The following DLG2 variants were observed in gnomAD, a reference collection of about 807,000 sequenced individuals.
The protein encoded by DLG2 is disks large homolog 2.
A neutral mutation model predicts 132.5 loss-of-function variants in DLG2; 45 were observed. The ratio of observed to expected loss-of-function variants is 0.34; its 90% CI spans 0.27 to 0.44. The LOEUF (loss-of-function observed/expected upper bound fraction) is 0.44. DLG2 is among the 20% of genes least tolerant of loss of function. DLG2 has a pLI of 1.00. For missense variants in DLG2, 1,045 were observed against 1,196.9 expected (o/e 0.87, Z 1.87); for synonymous variants, 424 against 419.6 (o/e 1.01, Z -0.13).
At chr11:84,470,736 G>A (rs772834894) in intron 7 of DLG2, among the ~76,000 whole-genome samples, 2 of 151,718 alleles carry the variant, frequency 1.3e-5, no homozygotes, top group African/African-American at 2.4e-5. Flanking sequence ...GAGATGGCTC[G>A]AGTGTGTACA....
intron 17 of DLG2, among the ~76,000 whole-genome samples, chr11:83,794,377 C>A (rs944264692): frequency 2.0e-5 from 3 of 149,490 alleles, no homozygotes; most frequent in African/African-American, 7.3e-5. Context: ...TCACAGTTTA[C>A]ATCATTGATA....
chr11:83,970,706 T>A (rs2091161734), intron 12 of DLG2, among the ~76,000 whole-genome samples: 1 of 152,202 alleles, frequency 6.6e-6, no homozygotes, highest in Non-Finnish European at 1.5e-5. Context: ...TTGATTAAAA[T>A]GTGTTGGCCT....
Position 83,980,556 on chromosome 11 carries a change from C to T in DLG2, c.1006G>A (p.Gly336Arg), listed in dbSNP as rs1356338666. 6.2e-7 allele frequency: 1 copy of T among 1,613,866 alleles called. No individual in the cohort carries two copies. The highest frequency in any genetic ancestry group is 8.5e-7 in the Non-Finnish European group (1 of 1,179,870). Residue 336 changes from glycine to arginine, a missense_variant, in exon 12 of 28, where the codon GGA (glycine) becomes AGA (arginine). Physicochemically the swap from Gly to Arg is moderately radical, Grantham distance 125. This residue lies in a region of DLG2 where 261 missense variants were observed against 256.1 expected (regional missense o/e 1.02). Transcript: ENST00000376104. Reference protein sequence around the residue: ...SIYVTKIIDGGAAQKDGRLQV... With the variant: ...SIYVTKIIDGRAAQKDGRLQV... ...AACCTTCCATCTTTTTGTGCAGCTC[C>T]TCCATCTATAATTTTAGTTACATAA...
intron 3 of DLG2, among the ~76,000 whole-genome samples, chr11:85,303,098 T>A (rs150792106): frequency 6.6e-6 from 1 of 152,178 alleles, no homozygotes; most frequent in Non-Finnish European, 1.5e-5. Context: ...TTATTTTATG[T>A]TTAGAAGGAC....
In DLG2 at chr11:85,412,752, CACACACACATATATATATAT is replaced by C. The variant is rs1185198832; in HGVS notation, c.41-127407_41-127388del. Among the ~76,000 whole-genome samples, 33 of 125,480 alleles carry C rather than the reference CACACACACATATATATATAT, an allele frequency of 2.6e-4. 1 individual carries two copies. Among genetic ancestry groups the C allele is most frequent in the African/African-American group, 6.1e-4 (19 of 31,066 alleles). 82.3% of individuals were successfully genotyped at this position (125,480 alleles called of 152,430 possible). On this transcript the variant is annotated intron_variant, in intron 3 of 27. Transcript: ENST00000376104. ...ACACACACACACACACACACACACA[CACACACACATATATATATAT>C]ATATATATATATATCACAGTTTCTT... is the stretch of plus-strand genomic sequence containing the variant.
At chr11:85,443,136 T>A (rs1222331321) in intron 3 of DLG2, among the ~76,000 whole-genome samples, 10 of 152,186 alleles carry the variant, frequency 6.6e-5, no homozygotes, top group African/African-American at 2.4e-4. Flanking sequence ...AAAATACACA[T>A]TTGACTAGAA....
At chr11:85,535,609 A>G (rs1307598324) in intron 3 of DLG2, among the ~76,000 whole-genome samples, 4 of 152,206 alleles carry the variant, frequency 2.6e-5, no homozygotes, top group African/African-American at 9.6e-5. Context: ...GTTACCATAT[A>G]AACCAGCAAT....
At chr11:85,146,509 T>C (rs1223931036) in intron 5 of DLG2, among the ~76,000 whole-genome samples, 3 of 151,968 alleles carry the variant, frequency 2.0e-5, no homozygotes, top group Non-Finnish European at 4.4e-5. Flanking sequence ...TAGCCAAGGG[T>C]AGGTCTAGAG....
intron 18 of DLG2, among the ~76,000 whole-genome samples, chr11:83,734,336 T>C (rs536164353): frequency 4.2e-5 from 6 of 144,164 alleles, no homozygotes; most frequent in African/African-American, 1.3e-4. Flanking sequence ...ATCACTAATT[T>C]TCCCTTCCTT....
intron 6 of DLG2, among the ~76,000 whole-genome samples, chr11:84,849,532 T>C (rs551801630): frequency 6.6e-6 from 1 of 152,130 alleles, no homozygotes; most frequent in Non-Finnish European, 1.5e-5. Flanking sequence ...TAACAAGGTG[T>C]TGTTGTTGCT....
chr11:84,331,417 C>T (rs557489038), intron 7 of DLG2, among the ~76,000 whole-genome samples: 1 of 149,886 alleles, frequency 6.7e-6, no homozygotes, highest in African/African-American at 2.5e-5. Flanking sequence ...CCTGATGCTT[C>T]CCACTTCACC....
chr11:85,011,566 C>A (rs2059150855), intron 6 of DLG2, among the ~76,000 whole-genome samples: 1 of 152,196 alleles, frequency 6.6e-6, no homozygotes. Context: ...CTTCGACTGA[C>A]TGTATGACCT....
chr11:85,244,698 T>A (rs1227180393), intron 4 of DLG2, among the ~76,000 whole-genome samples: 1 of 151,936 alleles, frequency 6.6e-6, no homozygotes, highest in African/African-American at 2.4e-5. Context: ...CCAGTTAAAT[T>A]GTTATATATG....
chr11:85,506,124 G>A (rs761447609), intron 3 of DLG2, among the ~76,000 whole-genome samples: 1 of 151,860 alleles, frequency 6.6e-6, no homozygotes, highest in Non-Finnish European at 1.5e-5. Flanking sequence ...TTCTTTATTA[G>A]TCTGGCTAGT....
intron 12 of DLG2, among the ~76,000 whole-genome samples, chr11:83,975,155 G>C (rs946222412): frequency 6.6e-6 from 1 of 151,916 alleles, no homozygotes; most frequent in African/African-American, 2.4e-5. Context: ...CTAATATATT[G>C]GGCTATATGT....
chr11:85,116,242 C>A (rs917589798), intron 5 of DLG2, among the ~76,000 whole-genome samples: 2 of 151,388 alleles, frequency 1.3e-5, no homozygotes, highest in African/African-American at 4.8e-5. Flanking sequence ...ATTTTATGAG[C>A]TAATTCTTGT....
intron 3 of DLG2, among the ~76,000 whole-genome samples, chr11:85,433,288 GA>G (rs2091292914): frequency 6.6e-6 from 1 of 152,078 alleles, no homozygotes; most frequent in Non-Finnish European, 1.5e-5. Context: ...CTAGCGTCAG[GA>G]TAATGGAATC....
chr11:84,262,453 A>G (rs975729255), intron 7 of DLG2, among the ~76,000 whole-genome samples: 1 of 152,164 alleles, frequency 6.6e-6, no homozygotes, highest in African/African-American at 2.4e-5. Flanking sequence ...CCAAAGACTT[A>G]CCCAAAACTA....
intron 7 of DLG2, among the ~76,000 whole-genome samples, chr11:84,474,487 C>T (rs1247271717): frequency 6.6e-6 from 1 of 151,996 alleles, no homozygotes; most frequent in Admixed American, 6.6e-5. Flanking sequence ...GGGCTGTTTT[C>T]TGGCACTTGC....
Sources: gnomAD v4.1 joint callset for allele counts (sites outside exome capture counted in the v4.1 genomes callset) on GRCh38, gnomAD v4.1.1 for gene constraint, gnomAD v4.1.1 regional missense constraint, MANE v1.5 for transcripts, NCBI Gene and HGNC (gene_info 2026-07-23, HGNC 2026-07-21) for gene names.